The following PTPN2 variants were observed in gnomAD, a reference collection of about 807,000 sequenced individuals.
PTPN2 encodes protein tyrosine phosphatase non-receptor type 2.
A neutral mutation model predicts 57.3 loss-of-function variants in PTPN2; 19 were observed. The ratio of observed to expected loss-of-function variants is 0.33; its 90% CI spans 0.23 to 0.49. The LOEUF (loss-of-function observed/expected upper bound fraction) is 0.49. PTPN2 is among the 20% of genes least tolerant of loss of function. PTPN2 has a pLI of 0.99. For missense variants in PTPN2, 358 were observed against 501.1 expected (o/e 0.71, Z 2.73); for synonymous variants, 153 against 164.9 (o/e 0.93, Z 0.55).
At chr18:12,795,886 C>CATGGTA (rs988214295) in intron 8 of PTPN2, among the ~76,000 whole-genome samples, 6 of 151,764 alleles carry the variant, frequency 4.0e-5, no homozygotes, top group Non-Finnish European at 8.8e-5. Flanking sequence ...ATATTATTGC[C>CATGGTA]ATGGTAATTT....
At chr18:12,856,838 T>C (rs1388078086) in intron 2 of PTPN2, among the ~76,000 whole-genome samples, 1 of 152,054 alleles carries the variant, frequency 6.6e-6, no homozygotes, top group Non-Finnish European at 1.5e-5. Flanking sequence ...AGCAGGCGGA[T>C]CACTTGAGGT....
intron 1 of PTPN2, among the ~76,000 whole-genome samples, chr18:12,867,547 T>C (rs1253088383): frequency 6.6e-6 from 1 of 152,144 alleles, no homozygotes; most frequent in Non-Finnish European, 1.5e-5. Context: ...TCAAAAAAAA[T>C]ACATTATAGA....
intron 1 of PTPN2, chr18:12,880,544 A>G (rs1395581712): frequency 6.6e-6 from 1 of 151,976 alleles, no homozygotes; most frequent in East Asian, 1.9e-4. Context: ...CGCTGACACA[A>G]CTCCCTTTAA....
chr18:12,805,856 T>C (rs2041630220), intron 7 of PTPN2, among the ~76,000 whole-genome samples: 1 of 152,058 alleles, frequency 6.6e-6, no homozygotes, highest in Admixed American at 6.6e-5. Flanking sequence ...TCTCAATCTC[T>C]TGACCTCATG....
At chr18:12,833,420 T>C (rs1392426806) in intron 3 of PTPN2, among the ~76,000 whole-genome samples, 1 of 152,136 alleles carries the variant, frequency 6.6e-6, no homozygotes, top group Non-Finnish European at 1.5e-5. Context: ...GTATGACTAA[T>C]GGACACAGTT....
At chr18:12,860,123 A>G (rs922004655) in intron 1 of PTPN2, among the ~76,000 whole-genome samples, 2 of 151,894 alleles carry the variant, frequency 1.3e-5, no homozygotes, top group African/African-American at 2.4e-5. Flanking sequence ...CCCCGTCTCT[A>G]CTAAATATAC....
At chr18:12,884,234 ATGCGCGC>A (rs1291426078) in exon 1 of PTPN2, 4 of 949,420 alleles carry the variant, frequency 4.2e-6, no homozygotes, top group East Asian at 9.9e-5. Flanking sequence ...GCTGCGGCGC[ATGCGCGC>A]TGCGCGCCGC....
At chr18:12,816,476 A>G (rs116193276) in intron 6 of PTPN2, among the ~76,000 whole-genome samples, 394 of 152,316 alleles carry the variant, frequency 2.6e-3, no homozygotes, top group African/African-American at 8.5e-3. Flanking sequence ...TTGATCCTAT[A>G]ATAAGAGGAA....
intron 5 of PTPN2, among the ~76,000 whole-genome samples, chr18:12,822,230 C>G (rs1443083751): frequency 2.0e-5 from 3 of 152,070 alleles, no homozygotes; most frequent in African/African-American, 7.2e-5. Context: ...CAAATCCCAG[C>G]TAAGCATCAT....
At chr18:12,804,956 T>C (rs1225995951) in intron 7 of PTPN2, among the ~76,000 whole-genome samples, 1 of 152,108 alleles carries the variant, frequency 6.6e-6, no homozygotes, top group Non-Finnish European at 1.5e-5. Context: ...TGAATATGGA[T>C]GCAAAAATCC....
intron 8 of PTPN2, among the ~76,000 whole-genome samples, chr18:12,800,935 A>C (rs1209127660): frequency 6.6e-6 from 1 of 152,242 alleles, no homozygotes. Context: ...GATTTTTAAA[A>C]AACGCCTTTT....
intron 6 of PTPN2, among the ~76,000 whole-genome samples, chr18:12,815,085 AAAATAAAT>A (rs199758431): frequency 0.068 from 9,372 of 137,066 alleles, 567 homozygotes; most frequent in African/African-American, 0.15. Flanking sequence ...CTCCATCTCA[AAAATAAAT>A]AAATAAATAA....
At chr18:12,829,235 G>A (rs1260087931) in intron 4 of PTPN2, among the ~76,000 whole-genome samples, 6 of 152,108 alleles carry the variant, frequency 3.9e-5, no homozygotes, top group African/African-American at 1.4e-4. Flanking sequence ...AGGACTCAGA[G>A]CTGGGTGAGG....
Position 12,817,595 on chromosome 18 carries a change from G to T in PTPN2, c.496-230C>A, listed in dbSNP as rs866599932. Among the ~76,000 whole-genome samples the T allele has an allele frequency of 6.6e-5, 10 of 152,168 alleles. No homozygotes were observed. In the Middle Eastern group the frequency reaches 0.01, roughly 155 times the overall value. On this transcript the variant is annotated intron_variant, in intron 5 of 8. Transcript: ENST00000309660. ...AACGCATACAACACTTACTATTTTGGAGGCCTGTTCTAAGCACTTTACTTA... is the reference window on the plus strand; with the variant it reads ...AACGCATACAACACTTACTATTTTGTAGGCCTGTTCTAAGCACTTTACTTA...
intron 2 of PTPN2, among the ~76,000 whole-genome samples, chr18:12,844,364 A>G (rs758987381): frequency 5.3e-5 from 8 of 152,112 alleles, no homozygotes; most frequent in South Asian, 2.1e-4. Context: ...CTGCCAAACT[A>G]TTTTCCAGAG....
intron 2 of PTPN2, among the ~76,000 whole-genome samples, chr18:12,846,178 TCATGACTGGTCATGACCA>T (rs1363892136): frequency 6.6e-6 from 1 of 152,228 alleles, no homozygotes; most frequent in Non-Finnish European, 1.5e-5. Context: ...ATGGTATATC[TCATGACTGGTCATGACCA>T]CATATTTAAG....
chr18:12,847,500 T>G (rs1361471509), intron 2 of PTPN2, among the ~76,000 whole-genome samples: 2 of 152,196 alleles, frequency 1.3e-5, no homozygotes, highest in Non-Finnish European at 2.9e-5. Flanking sequence ...AATGCTAGCT[T>G]CTTCTCTAAG....
intron 5 of PTPN2, chr18:12,819,322 G>C (rs1273539545): frequency 4.2e-6 from 4 of 959,028 alleles, no homozygotes; most frequent in Non-Finnish European, 6.0e-6. Context: ...AAATTAAAAT[G>C]ATCATGGTTT....
chr18:12,878,392 C>T (rs192079071), intron 1 of PTPN2, among the ~76,000 whole-genome samples: 19 of 151,950 alleles, frequency 1.3e-4, no homozygotes, highest in Non-Finnish European at 2.1e-4. Context: ...TGTGGCTGGG[C>T]GTGGTGGCTC....
Sources: gnomAD v4.1 joint callset for allele counts (sites outside exome capture counted in the v4.1 genomes callset) on GRCh38, gnomAD v4.1.1 for gene constraint, MANE v1.5 for transcripts, NCBI Gene and HGNC (gene_info 2026-07-23, HGNC 2026-07-21) for gene names.